The following CCDC66 variants were observed in gnomAD, a reference collection of about 807,000 sequenced individuals.
CCDC66 encodes the protein coiled-coil domain containing 66.
A neutral mutation model predicts 128.3 loss-of-function variants in CCDC66; 133 were observed. The observed-to-expected ratio is 1.04, with a 90% CI of 0.90 to 1.20. The LOEUF (loss-of-function observed/expected upper bound fraction) is 1.20, where lower values mean the gene tolerates loss of function less well. Among genes scored for constraint, CCDC66 ranks in the 50% most tolerant of loss-of-function variants. CCDC66 has a pLI of 0.00. For missense variants in CCDC66, 1,126 were observed against 1,075.5 expected (o/e 1.05, Z -0.66); for synonymous variants, 387 against 357.0 (o/e 1.08, Z -0.95).
intron 11 of CCDC66, 61 bp downstream of exon 11, chr3:56,613,811 C>CAAAA: frequency 7.1e-7 from 1 of 1,412,374 alleles, no homozygotes; most frequent in Non-Finnish European, 9.8e-7. Flanking sequence ...GACAGGGTCT[C>CAAAA]ACTCTTTTGC....
At chr3:56,612,766 C>T (rs1413623870) in intron 10 of CCDC66, among the ~76,000 whole-genome samples, 1 of 152,062 alleles carries the variant, frequency 6.6e-6, no homozygotes, top group Non-Finnish European at 1.5e-5. Context: ...GAGGAGTGCT[C>T]AGGTGCCAAT....
chr3:56,610,063 T>C (rs1327959908), intron 10 of CCDC66, among the ~76,000 whole-genome samples: 1 of 152,238 alleles, frequency 6.6e-6, no homozygotes, highest in African/African-American at 2.4e-5. Context: ...GGCAGAGATC[T>C]TTTTGTGTTG....
chr3:56,567,224 TA>T (rs1424629915), intron 6 of CCDC66, among the ~76,000 whole-genome samples, 171 bp downstream of exon 6: 3 of 152,138 alleles, frequency 2.0e-5, no homozygotes, highest in Admixed American at 2.0e-4. Context: ...ATCCCATCTC[TA>T]CTAAAAATAT....
intron 10 of CCDC66, among the ~76,000 whole-genome samples, chr3:56,599,230 G>A (rs774231007): frequency 1.8e-4 from 28 of 151,994 alleles, no homozygotes; most frequent in Non-Finnish European, 3.4e-4. Flanking sequence ...AGCCTCTGAT[G>A]ATCTCTTGTA....
At chr3:56,577,130 G>C (rs958923681) in intron 7 of CCDC66, among the ~76,000 whole-genome samples, 3 of 151,908 alleles carry the variant, frequency 2.0e-5, no homozygotes, top group Admixed American at 6.6e-5. Context: ...CTGTGAGATG[G>C]TATCTCATTG....
intron 7 of CCDC66, among the ~76,000 whole-genome samples, chr3:56,588,651 A>C (rs2070281439): frequency 6.6e-6 from 1 of 152,164 alleles, no homozygotes; most frequent in Non-Finnish European, 1.5e-5. Context: ...CCCTACCTCC[A>C]ACACTGGGGA....
At chr3:56,608,811 T>C (rs1559748025) in intron 10 of CCDC66, among the ~76,000 whole-genome samples, 1 of 152,220 alleles carries the variant, frequency 6.6e-6, no homozygotes, top group Non-Finnish European at 1.5e-5. Flanking sequence ...GTGTCATTAC[T>C]GTCGTTCAGT....
At chr3:56,565,655 T>TGCCCAGGCTGGAGTCTCGCTGCGTC (rs1187193317) in intron 4 of CCDC66, among the ~76,000 whole-genome samples, 18 of 151,064 alleles carry the variant, frequency 1.2e-4, no homozygotes, top group South Asian at 2.1e-4. Context: ...CTCGCTCCGT[T>TGCCCAGGCTGGAGTCTCGCTGCGTC]GCCCAGGCTG....
At chr3:56,572,383 C>T in intron 7 of CCDC66, 1 of 1,289,570 alleles carries the variant, frequency 7.8e-7, no homozygotes, top group Non-Finnish European at 1.0e-6. Context: ...TATGGTGGTC[C>T]AAGCTGATGG....
Position 56,591,631 on chromosome 3 carries a change from C to G in CCDC66, c.937-1339C>G, listed in dbSNP as rs1361138504. 2.6e-5 allele frequency among the ~76,000 whole-genome samples: 4 copies of G among 152,292 alleles called. No homozygotes were observed. In the East Asian group the frequency reaches 7.7e-4, roughly 29 times the overall value. Reference sequence around the variant, plus strand: ...TCCCATTTTGACCTCTAAAACATTTCTTGAGGTATAAAAATTGTTAAATCT... The same window carrying G: ...TCCCATTTTGACCTCTAAAACATTTGTTGAGGTATAAAAATTGTTAAATCT... On this transcript the variant is annotated intron_variant, in intron 7 of 17. Transcript: ENST00000394672.
intron 7 of CCDC66, among the ~76,000 whole-genome samples, chr3:56,579,641 A>G (rs537188320): frequency 6.6e-6 from 1 of 151,676 alleles, no homozygotes; most frequent in Admixed American, 6.6e-5. Context: ...AGAACATGTT[A>G]ATTTCTGCCT....
intron 10 of CCDC66, among the ~76,000 whole-genome samples, chr3:56,596,917 G>A (rs914889047): frequency 9.0e-6 from 1 of 111,568 alleles, no homozygotes. Flanking sequence ...ACCACACCTG[G>A]CTAATTTTTT....
intron 7 of CCDC66, among the ~76,000 whole-genome samples, chr3:56,579,223 A>C (rs185439894): frequency 1.8e-3 from 280 of 151,852 alleles, no homozygotes; most frequent in African/African-American, 6.4e-3. Flanking sequence ...CTCTGATGTT[A>C]GTTTGTATTT....
At chr3:56,584,428 C>A (rs546373530) in intron 7 of CCDC66, among the ~76,000 whole-genome samples, 2 of 150,462 alleles carry the variant, frequency 1.3e-5, no homozygotes, top group African/African-American at 4.9e-5. Context: ...GGCGGCCAGG[C>A]GGAGACGCTC....
chr3:56,558,785 T>C, intron 1 of CCDC66, 61 bp from the exon 2 acceptor site: 1 of 1,089,754 alleles, frequency 9.2e-7, no homozygotes, highest in Non-Finnish European at 1.4e-6. Context: ...TGAACATTTC[T>C]GGTTATTTAA....
Position 56,594,267 on chromosome 3 carries a change from G to A in CCDC66, c.1404+239G>A, listed in dbSNP as rs753649877. Among the ~76,000 whole-genome samples, 4 of 149,940 alleles carry A rather than the reference G, an allele frequency of 2.7e-5. No individual in the cohort carries two copies. In the South Asian group the frequency reaches 8.4e-4, roughly 32 times the overall value. On this transcript the variant is annotated intron_variant, in intron 10 of 17. Coordinates refer to ENST00000394672, the MANE Select transcript of CCDC66 (RefSeq NM_001141947.3). ...CTTTAATATATTAAGTTGTATATGTGAATTTGTGTTGTCTTAGGTTAGTAC... is the reference window on the plus strand; with the variant it reads ...CTTTAATATATTAAGTTGTATATGTAAATTTGTGTTGTCTTAGGTTAGTAC...
intron 2 of CCDC66, 59 bp from the exon 3 acceptor site, chr3:56,559,510 C>A: frequency 9.1e-7 from 1 of 1,101,346 alleles, no homozygotes; most frequent in Non-Finnish European, 1.3e-6. Flanking sequence ...AGTTTTCTTG[C>A]ATTACCACCT....
rs915262164 is a variant in CCDC66, at chr3:56,567,005, G to A, written c.766G>A (p.Asp256Asn). ...CAGTACTCTGGGGGAAAGGGAATGTGATAGAAGTTCGTTGGAAGCAAAAAA... is the reference window on the plus strand; with the variant it reads ...CAGTACTCTGGGGGAAAGGGAATGTAATAGAAGTTCGTTGGAAGCAAAAAA... ...IFSTLGEREC[D>N]RSSLEAKKAQ... The change falls in exon 6 of 18, where the codon GAT becomes AAT. Residue 256 changes from aspartate to asparagine, a missense_variant. By Grantham distance (23) the Asp-to-Asn change is conservative. Transcript: ENST00000394672. The A allele has an allele frequency of 1.9e-6, 3 of 1,614,052 alleles. No homozygotes were observed. The highest frequency in any genetic ancestry group is 2.5e-6 in the Non-Finnish European group (3 of 1,180,014).
rs2064729147 is a variant in CCDC66, at chr3:56,558,911, G to A, written c.76+1G>A. 6.5e-7 allele frequency: 1 copy of A among 1,536,540 alleles called. No homozygotes were observed. The highest frequency in any genetic ancestry group is 2.0e-5 in the Admixed American group (1 of 49,678). Reference sequence around the variant, plus strand: ...ACCAAGCTAATATTGTCTCCATATGGTATGTTGTGTTACAGAAATCTGAAA... The same window carrying A: ...ACCAAGCTAATATTGTCTCCATATGATATGTTGTGTTACAGAAATCTGAAA... On this transcript the variant is annotated splice_donor_variant, in intron 2 of 17. Transcript: ENST00000394672. LOFTEE classifies it high-confidence loss of function.
Sources: allele counts gnomAD v4.1 joint callset (sites outside exome capture counted in the v4.1 genomes callset), GRCh38; gene constraint gnomAD v4.1.1; transcripts MANE v1.5; gene names NCBI Gene and HGNC (gene_info 2026-07-23, HGNC 2026-07-21).